Variants in GLRB observed in about 807,000 individuals in gnomAD.
GLRB encodes glycine receptor subunit beta.
Under a neutral mutation model 54.2 loss-of-function variants are expected in GLRB, and 33 were observed. The observed-to-expected ratio is 0.61, with a 90% confidence interval of 0.46 to 0.81. GLRB has a LOEUF of 0.81. Among genes scored for constraint, GLRB ranks in the 40% least tolerant of loss-of-function variants. The probability of loss-of-function intolerance (pLI) is 0.00; values close to 1 mark genes in which losing one functional copy is unlikely to be tolerated. For synonymous variants in GLRB, 209 were observed against 208.2 expected, an observed-to-expected ratio of 1.00 and a Z score of -0.03; for missense variants, 572 against 584.6, an observed-to-expected ratio of 0.98 and a Z score of 0.22.
chr4:157,110,742 G>C lies in GLRB; in HGVS notation c.123-9814G>C, dbSNP rs185313404. 4.6e-5 allele frequency among the ~76,000 whole-genome samples: 7 copies of C among 152,058 alleles called. No individual in the cohort carries two copies. The East Asian group carries it at 1.4e-3, about 30-fold the overall frequency. On this transcript the variant is annotated intron_variant, in intron 2 of 9. Coordinates refer to ENST00000264428, the MANE Select transcript of GLRB (RefSeq NM_000824.5). ...AGCAGAAAAACCTCTACATCTCCCAGTTTCCACAGATTGATCGTGTGCTAG... is the reference window on the plus strand; with the variant it reads ...AGCAGAAAAACCTCTACATCTCCCACTTTCCACAGATTGATCGTGTGCTAG...
chr4:157,086,188 T>A (rs1190335620), intron 2 of GLRB, among the ~76,000 whole-genome samples: 1 of 152,216 alleles, frequency 6.6e-6, no homozygotes, highest in Non-Finnish European at 1.5e-5. Flanking sequence ...CTTGCTATTA[T>A]GTATGCTTGG....
Position 157,117,515 on chromosome 4 carries a change from G to T in GLRB, c.123-3041G>T, listed in dbSNP as rs143080229. Among the ~76,000 whole-genome samples, 458 of 151,690 alleles carry T rather than the reference G, an allele frequency of 3.0e-3. 1 individual carries two copies. The highest frequency in any genetic ancestry group is 0.01 in the Middle Eastern group (3 of 292). ...TGGTTGATTCTCCAATATTCATTCC[G>T]CACCAGACTATTGATCTGAGCCAAT... On this transcript the variant is annotated intron_variant, in intron 2 of 9. Coordinates refer to ENST00000264428, the MANE Select transcript of GLRB (RefSeq NM_000824.5).
chr4:157,125,558 G>A (rs1735986854), intron 4 of GLRB, among the ~76,000 whole-genome samples: 1 of 151,764 alleles, frequency 6.6e-6, no homozygotes, highest in Admixed American at 6.6e-5. Flanking sequence ...ATTTCTAATT[G>A]TATTAGCAGT....
Position 157,120,574 on chromosome 4 carries a change from C to T in GLRB, c.141C>T (p.Asp47=). The T allele has an allele frequency of 1.3e-6, 2 of 1,592,416 alleles. No homozygotes were observed. Among genetic ancestry groups the T allele is most frequent in the Non-Finnish European group, 1.7e-6 (2 of 1,162,254 alleles). ...CTTATAGTCAGCAGTCAGCAGAGGA[C>T]CTTGCCCGAGTACCTGCCAACTCCA... is the stretch of plus-strand genomic sequence containing the variant. ...YLCPSQQSAE[D]LARVPANSTS... is the part of the protein sequence containing the mutation. The change falls in exon 3 of 10, where the codon GAC becomes GAT. Residue 47 remains aspartate (D), a synonymous_variant. Coordinates refer to ENST00000264428, the MANE Select transcript of GLRB (RefSeq NM_000824.5).
chr4:157,116,626 CTT>C (rs1372532551), intron 2 of GLRB, among the ~76,000 whole-genome samples: 3 of 151,550 alleles, frequency 2.0e-5, no homozygotes, highest in Non-Finnish European at 4.4e-5. Context: ...TGTTTTAACT[CTT>C]TAAAACAAAG....
chr4:157,109,795 T>C (rs1282719350), intron 2 of GLRB, among the ~76,000 whole-genome samples: 1 of 151,988 alleles, frequency 6.6e-6, no homozygotes, highest in Non-Finnish European at 1.5e-5. Flanking sequence ...ACTTCACTTA[T>C]TTTTACCCAT....
At chr4:157,111,492 G>T (rs1735416774) in intron 2 of GLRB, among the ~76,000 whole-genome samples, 2 of 151,956 alleles carry the variant, frequency 1.3e-5, no homozygotes, top group South Asian at 2.1e-4. Flanking sequence ...ACTCCCTCAT[G>T]ATTATATTAT....
chr4:157,136,123 T>A (rs1736390032), intron 4 of GLRB, among the ~76,000 whole-genome samples: 1 of 152,300 alleles, frequency 6.6e-6, no homozygotes, highest in Admixed American at 6.5e-5. Flanking sequence ...GGAAGAATGA[T>A]AGTAATACTT....
chr4:157,102,609 AAGG>A (rs1167314384), intron 2 of GLRB, among the ~76,000 whole-genome samples: 2 of 152,176 alleles, frequency 1.3e-5, no homozygotes, highest in African/African-American at 2.4e-5. Context: ...TTATTTTAAG[AAGG>A]AGATTACAAT....
intron 8 of GLRB, among the ~76,000 whole-genome samples, chr4:157,151,376 T>G (rs922666332): frequency 3.9e-5 from 6 of 152,044 alleles, no homozygotes; most frequent in African/African-American, 1.4e-4. Context: ...TACTTTCCAC[T>G]TTTGACCACA....
intron 4 of GLRB, among the ~76,000 whole-genome samples, chr4:157,135,537 C>T (rs962721636): frequency 2.6e-5 from 4 of 152,092 alleles, no homozygotes; most frequent in East Asian, 1.9e-4. Flanking sequence ...TTCCCCTGTA[C>T]GTGCTGTCTT....
chr4:157,084,526 A>G, intron 2 of GLRB: 1 of 445,792 alleles, frequency 2.2e-6, no homozygotes, highest in Non-Finnish European at 4.5e-6. Flanking sequence ...AATTACATAA[A>G]TAACTTTTAA....
At chr4:157,108,195 A>T (rs1735291841) in intron 2 of GLRB, among the ~76,000 whole-genome samples, 1 of 152,124 alleles carries the variant, frequency 6.6e-6, no homozygotes, top group Non-Finnish European at 1.5e-5. Flanking sequence ...GCCTGCTAAT[A>T]CAGCATCCAT....
chr4:157,101,818 G>C (rs939329575), intron 2 of GLRB, among the ~76,000 whole-genome samples: 2 of 148,404 alleles, frequency 1.3e-5, no homozygotes, highest in African/African-American at 5.0e-5. Context: ...TTTTTTGGTG[G>C]GGGGGAGGGT....
intron 2 of GLRB, among the ~76,000 whole-genome samples, chr4:157,082,008 T>A (rs73856812): frequency 0.016 from 2,481 of 152,270 alleles, 83 homozygotes; most frequent in African/African-American, 0.056. Context: ...CTTTCACATC[T>A]CTGCAAGTGT....
rs76022937 is a variant in GLRB at position 157,100,964 on chromosome 4, T to A, written c.123-19592T>A. Among the ~76,000 whole-genome samples, 1,511 of 152,290 alleles carry A rather than the reference T, an allele frequency of 9.9e-3. 23 individuals carry two copies. The East Asian group carries it at 0.1, about 10-fold the overall frequency. The stretch of plus-strand genomic sequence containing the variant: ...GGGTTTTGTTTGCCAGTATTTTTCC[T>A]GGGCTGAGAGAAATGCCTGGTGGTA... On this transcript the variant is annotated intron_variant, in intron 2 of 9. Transcript: ENST00000264428.
Position 157,136,449 on chromosome 4 carries a change from C to T in GLRB, c.298-20C>T, listed in dbSNP as rs779389511. 2.4e-5 allele frequency: 31 copies of T among 1,305,062 alleles called. No individual in the cohort carries two copies. Among genetic ancestry groups the T allele is most frequent in the South Asian group, 9.4e-5 (8 of 85,048 alleles). The allele number at this position is 1,305,062 out of a possible 1,614,324, so 80.8% of individuals were successfully genotyped here. A position where few individuals can be genotyped will look rare whatever the true frequency, so the allele number is the denominator to read the frequency against. ...ATAGCAATAAACATACACATGTGCA[C>T]GCATGTACTTTTTCTTCAGGACTAT... On this transcript the variant is annotated intron_variant, in intron 4 of 9. Transcript: ENST00000264428.
intron 2 of GLRB, among the ~76,000 whole-genome samples, chr4:157,099,093 A>C (rs1734921472): frequency 6.6e-6 from 1 of 152,118 alleles, no homozygotes; most frequent in African/African-American, 2.4e-5. Context: ...TTTATGAGAC[A>C]AAGAAGGGAC....
chr4:157,107,685 G>T (rs144531875), intron 2 of GLRB, among the ~76,000 whole-genome samples: 61 of 152,210 alleles, frequency 4.0e-4, no homozygotes, highest in Middle Eastern at 6.8e-3. Context: ...TAACACAAAC[G>T]TGTGAGGTGG....
Sources: allele counts gnomAD v4.1 joint callset (sites outside exome capture counted in the v4.1 genomes callset), GRCh38; gene constraint gnomAD v4.1.1; transcripts MANE v1.5; gene names NCBI Gene and HGNC (gene_info 2026-07-23, HGNC 2026-07-21).